Variants in M1AP observed in about 807,000 individuals in gnomAD.
The protein encoded by M1AP is meiosis 1 associated protein.
M1AP carries 39 observed loss-of-function variants against 51.2 expected under a neutral mutation model. The observed-to-expected ratio is 0.76, with a 90% confidence interval of 0.59 to 1.00. The LOEUF (loss-of-function observed/expected upper bound fraction) is 1.00. Among genes scored for constraint, M1AP ranks in the 50% least tolerant of loss-of-function variants. M1AP has a pLI of 0.00. For synonymous variants in M1AP, 251 were observed against 249.2 expected, an observed-to-expected ratio of 1.01 and a Z score of -0.07; for missense variants, 545 against 641.2, an observed-to-expected ratio of 0.85 and a Z score of 1.62.
intron 7 of M1AP, 129 bp downstream of exon 7, chr2:74,575,309 T>C (rs923614126): frequency 5.7e-5 from 84 of 1,486,638 alleles, no homozygotes; most frequent in Non-Finnish European, 7.1e-5. Flanking sequence ...TTTCAGAGTA[T>C]TTCCAGTTTT....
rs376663636 is a variant in M1AP at position 74,576,482 on chromosome 2, G to A, written c.906C>T (p.Ala302=). ...TLYQMASQSS[A]SHYKLQVIKA... ...TGATCACTTGGAGCTTGTAATGAGA[G>A]GCCGATGACTGGGAAGCCATCTGGT... Residue 302 remains alanine, a synonymous_variant, in exon 6 of 11, where the codon GCC becomes GCT. Coordinates refer to ENST00000421985, the MANE Select transcript of M1AP (RefSeq NM_001321739.2). 12 of 1,613,958 alleles carry A rather than the reference G, an allele frequency of 7.4e-6. No homozygotes were observed. The East Asian group carries it at 2.7e-4, about 36-fold the overall frequency.
In M1AP at chr2:74,640,170, C is replaced by T; in HGVS notation, c.106G>A (p.Asp36Asn). 1 of 1,614,114 alleles carries T rather than the reference C, an allele frequency of 6.2e-7. No homozygotes were observed. ...GCCTCACAGAGGTTGGTGCAGATGTCAGCCCAGGACGGTAGAGCAATGTGC... is the reference window on the plus strand; with the variant it reads ...GCCTCACAGAGGTTGGTGCAGATGTTAGCCCAGGACGGTAGAGCAATGTGC... ...IVHIALPSWADICTNLCEALQ... is the reference protein window; with the variant it reads ...IVHIALPSWANICTNLCEALQ... The change falls in exon 2 of 11, where the codon GAC (aspartate) becomes AAC (asparagine). Residue 36 changes from aspartate (D) to asparagine (N), a missense_variant. By Grantham distance (23) the Asp-to-Asn change is conservative. Coordinates refer to ENST00000421985, the MANE Select transcript of M1AP (RefSeq NM_001321739.2).
At position 74,607,168 on chromosome 2, in the gene M1AP, C is replaced by T; in HGVS notation, c.482G>A (p.Gly161Glu). Residue 161 changes from glycine to glutamate, a missense_variant, in exon 4 of 11, where the codon GGG (glycine) becomes GAG (glutamate). Coordinates refer to ENST00000421985, the MANE Select transcript of M1AP (RefSeq NM_001321739.2). Reference sequence around the variant, plus strand: ...TCTGGCTAGGTCTGTATCTTTCAACCCTTCCTCCAACTGTTTGACCACCTC... The same window carrying T: ...TCTGGCTAGGTCTGTATCTTTCAACTCTTCCTCCAACTGTTTGACCACCTC... ...GKEVVKQLEE[G>E]LKDTDLARVR... 6.2e-7 allele frequency: 1 copy of T among 1,614,166 alleles called. No individual in the cohort carries two copies. The highest frequency in any genetic ancestry group is 8.5e-7 in the Non-Finnish European group (1 of 1,180,028).
At chr2:74,640,468 T>A (rs2104843065) in intron 1 of M1AP, 141 bp from the exon 2 acceptor site, 1 of 695,498 alleles carries the variant, frequency 1.4e-6, no homozygotes, top group South Asian at 2.0e-5. Flanking sequence ...ATCCTATTTT[T>A]TTTTTTTTTT....
chr2:74,618,966 C>A, intron 2 of M1AP: 1 of 534,878 alleles, frequency 1.9e-6, no homozygotes. Flanking sequence ...ATGTCTTCAT[C>A]TATAGCAGAA....
At chr2:74,619,634 A>G (rs1424945447) in intron 2 of M1AP, among the ~76,000 whole-genome samples, 1 of 152,256 alleles carries the variant, frequency 6.6e-6, no homozygotes, top group African/African-American at 2.4e-5. Flanking sequence ...CTCAAATGAC[A>G]TGTTAAATGT....
rs1677603451 is a variant in M1AP at position 74,557,897 on chromosome 2, T to G, written c.*819A>C. 6.8e-6 allele frequency: 1 copy of G among 147,032 alleles called. No individual in the cohort carries two copies. Among genetic ancestry groups the G allele is most frequent in the South Asian group, 2.2e-4 (1 of 4,564 alleles). The allele number at this position is 147,032 out of a possible 1,614,324, so 9.1% of individuals were successfully genotyped here. On this transcript the variant is annotated 3_prime_UTR_variant, in exon 11 of 11. Coordinates refer to ENST00000421985, the MANE Select transcript of M1AP (RefSeq NM_001321739.2). ...GAAGCACAGGGTGTTTTTTTAAAAGTTTTTATTATTTATGTAGAGATGGCG... is the reference window on the plus strand; with the variant it reads ...GAAGCACAGGGTGTTTTTTTAAAAGGTTTTATTATTTATGTAGAGATGGCG...
intron 1 of M1AP, chr2:74,647,287 G>A (rs1338204842): frequency 1.0e-6 from 1 of 985,264 alleles, no homozygotes; most frequent in Non-Finnish European, 1.2e-6. Flanking sequence ...CTCACAGATC[G>A]GCTTCTCGCT....
In M1AP at chr2:74,640,320, C is replaced by A. The variant is rs370997910; in HGVS notation, c.-45G>T. 4.4e-5 allele frequency: 71 copies of A among 1,607,802 alleles called. No homozygotes were observed. The African/African-American group carries it at 9.1e-4, about 21-fold the overall frequency. On this transcript the variant is annotated 5_prime_UTR_variant, in exon 2 of 11. Coordinates refer to ENST00000421985, the MANE Select transcript of M1AP (RefSeq NM_001321739.2). Reference sequence around the variant, plus strand: ...GAACTGTAGCCACCAGCTGGATATTCTTTACACCTATAGGGAAGGAAAGAG... The same window carrying A: ...GAACTGTAGCCACCAGCTGGATATTATTTACACCTATAGGGAAGGAAAGAG...
At chr2:74,560,416 TG>T (rs1669335428) in intron 8 of M1AP, 125 bp from the exon 9 acceptor site, 2 of 989,616 alleles carry the variant, frequency 2.0e-6, no homozygotes, top group Non-Finnish European at 1.5e-6. Flanking sequence ...CCATGAAGGC[TG>T]TGAAATAGAT....
chr2:74,639,527 C>T (rs905596759), intron 2 of M1AP, among the ~76,000 whole-genome samples: 2 of 152,166 alleles, frequency 1.3e-5, no homozygotes, highest in African/African-American at 4.8e-5. Flanking sequence ...CCTTCCATAA[C>T]CCTAGGGGGC....
At chr2:74,565,314 A>G (rs1678305409) in intron 7 of M1AP, among the ~76,000 whole-genome samples, 1 of 152,230 alleles carries the variant, frequency 6.6e-6, no homozygotes, top group African/African-American at 2.4e-5. Context: ...ACATCATGAG[A>G]AAAGAAAACT....
Position 74,557,924 on chromosome 2 carries a change from G to GGC in M1AP, c.*791_*792insGC, listed in dbSNP as rs1262382945. On this transcript the variant is annotated 3_prime_UTR_variant, in exon 11 of 11. Transcript: ENST00000421985. Reference sequence around the variant, plus strand: ...TTTATTATTTATGTAGAGATGGCGGGGGGGTCTCACAGTGTTGCTCAGGCT... The same window carrying GGC: ...TTTATTATTTATGTAGAGATGGCGGGGCGGGGTCTCACAGTGTTGCTCAGGCT... 2.7e-5 allele frequency: 4 copies of GGC among 150,732 alleles called. No individual in the cohort carries two copies. In the East Asian group the frequency reaches 8.5e-4, roughly 32 times the overall value. 9.3% of individuals were successfully genotyped at this position (150,732 alleles called of 1,614,324 possible).
chr2:74,646,060 G>T (rs943920206), intron 1 of M1AP, among the ~76,000 whole-genome samples: 1 of 152,154 alleles, frequency 6.6e-6, no homozygotes, highest in Non-Finnish European at 1.5e-5. Flanking sequence ...ATAGTATACT[G>T]ATATAGCGTA....
intron 4 of M1AP, among the ~76,000 whole-genome samples, chr2:74,592,398 A>G (rs913208543): frequency 2.0e-5 from 3 of 152,170 alleles, no homozygotes; most frequent in African/African-American, 4.8e-5. Flanking sequence ...ATTATGGGTG[A>G]GGTTGAACAT....
chr2:74,559,648 C>T (rs1434846172), intron 10 of M1AP, 50 bp downstream of exon 10: 1 of 718,108 alleles, frequency 1.4e-6, no homozygotes, highest in East Asian at 2.7e-5. Context: ...TCTCAAGTTA[C>T]TAATCTTGGT....
intron 4 of M1AP, among the ~76,000 whole-genome samples, chr2:74,601,515 T>C (rs1680677141): frequency 6.6e-6 from 1 of 152,176 alleles, no homozygotes; most frequent in African/African-American, 2.4e-5. Context: ...GAACTGTCTC[T>C]ATTATGCCTC....
At chr2:74,637,241 T>C (rs1558698818) in intron 2 of M1AP, among the ~76,000 whole-genome samples, 1 of 152,228 alleles carries the variant, frequency 6.6e-6, no homozygotes, top group South Asian at 2.1e-4. Flanking sequence ...TAATTCCATC[T>C]AGTGTATTTT....
intron 3 of M1AP, among the ~76,000 whole-genome samples, chr2:74,608,846 G>A (rs1681161470): frequency 6.6e-6 from 1 of 152,156 alleles, no homozygotes; most frequent in Non-Finnish European, 1.5e-5. Flanking sequence ...ATGATGTGGA[G>A]CATCTTTTCA....
Sources: allele counts gnomAD v4.1 joint callset (sites outside exome capture counted in the v4.1 genomes callset), GRCh38; gene constraint gnomAD v4.1.1; transcripts MANE v1.5; gene names NCBI Gene and HGNC (gene_info 2026-07-23, HGNC 2026-07-21).